TRPM3: variants seen among roughly 807,000 people sequenced by gnomAD.
TRPM3 encodes the protein transient receptor potential cation channel subfamily M member 3, also known as long transient receptor potential channel 3.
A neutral mutation model predicts 181.2 loss-of-function variants in TRPM3; 77 were observed. The observed-to-expected ratio is 0.42, with a 90% CI of 0.35 to 0.51. TRPM3 has a LOEUF of 0.51. Ranked by LOEUF, TRPM3 falls within the 20% of genes least tolerant of loss-of-function variation. TRPM3 has a pLI of 0.01. For missense variants in TRPM3, 1,759 were observed against 2,196.7 expected, an observed-to-expected ratio of 0.80 and a Z score of 3.98; for synonymous variants, 745 against 796.4, an observed-to-expected ratio of 0.94 and a Z score of 1.09.
At chr9:70,900,336 G>C (rs914868319) in intron 1 of TRPM3, among the ~76,000 whole-genome samples, 1 of 151,752 alleles carries the variant, frequency 6.6e-6, no homozygotes, top group African/African-American at 2.4e-5. Context: ...GTGAGACTCT[G>C]TCTCAAAAAC....
At chr9:71,409,064 A>AT (rs1341272134) in intron 1 of TRPM3, among the ~76,000 whole-genome samples, 1 of 152,178 alleles carries the variant, frequency 6.6e-6, no homozygotes. Flanking sequence ...ATGCTGAGCG[A>AT]TTTTGTCACC....
chr9:71,187,921 AG>A (rs1565318589), intron 1 of TRPM3, among the ~76,000 whole-genome samples: 1 of 133,314 alleles, frequency 7.5e-6, no homozygotes, highest in Non-Finnish European at 1.6e-5. Flanking sequence ...ATAGATAGAT[AG>A]ATAGATAGAT....
chr9:71,353,355 G>A (rs112635441), intron 1 of TRPM3, among the ~76,000 whole-genome samples: 27 of 152,182 alleles, frequency 1.8e-4, no homozygotes, highest in South Asian at 1.0e-3. Context: ...AGTGACTGGC[G>A]GTTAGTACAC....
chr9:70,674,993 A>G (rs1373504740), intron 9 of TRPM3, among the ~76,000 whole-genome samples: 1 of 152,092 alleles, frequency 6.6e-6, no homozygotes, highest in Non-Finnish European at 1.5e-5. Context: ...ATTTTGTGTT[A>G]TGTAATCTAA....
At chr9:71,431,949 G>T (rs1589003150) in intron 1 of TRPM3, among the ~76,000 whole-genome samples, 1 of 152,048 alleles carries the variant, frequency 6.6e-6, no homozygotes, top group Non-Finnish European at 1.5e-5. Context: ...TCTACAACAT[G>T]CCAGCCACTC....
intron 1 of TRPM3, among the ~76,000 whole-genome samples, chr9:71,291,813 T>A (rs2085840106): frequency 6.6e-6 from 1 of 152,056 alleles, no homozygotes. Context: ...AGTAACAGAA[T>A]CAGAAGCTTG....
chr9:70,789,458 GA>G (rs1021609014), intron 6 of TRPM3, among the ~76,000 whole-genome samples: 1 of 151,940 alleles, frequency 6.6e-6, no homozygotes, highest in Non-Finnish European at 1.5e-5. Flanking sequence ...CAGTCTGTAG[GA>G]AAAAAAATTA....
intron 1 of TRPM3, among the ~76,000 whole-genome samples, chr9:71,407,707 C>T (rs111422739): frequency 2.0e-5 from 3 of 152,318 alleles, no homozygotes; most frequent in African/African-American, 7.2e-5. Context: ...CCCTGTCTGA[C>T]ATGTTTAAGA....
chr9:70,813,225 T>C (rs2092318024), intron 6 of TRPM3, among the ~76,000 whole-genome samples: 1 of 152,198 alleles, frequency 6.6e-6, no homozygotes, highest in Non-Finnish European at 1.5e-5. Context: ...TACTGCTTTG[T>C]ACTATTCACA....
At chr9:71,340,949 C>T (rs1050614163) in intron 1 of TRPM3, among the ~76,000 whole-genome samples, 5 of 152,010 alleles carry the variant, frequency 3.3e-5, no homozygotes, top group Non-Finnish European at 1.5e-5. Context: ...CCATCACCAC[C>T]ACCAAAAATC....
intron 1 of TRPM3, among the ~76,000 whole-genome samples, chr9:71,281,822 G>A (rs188353621): frequency 4.6e-5 from 7 of 152,284 alleles, no homozygotes; most frequent in Admixed American, 2.0e-4. Flanking sequence ...AGCACTTTGG[G>A]AGGCCAAGGT....
intron 6 of TRPM3, among the ~76,000 whole-genome samples, chr9:70,818,028 CACA>C (rs1251041449): frequency 2.6e-5 from 4 of 152,108 alleles, no homozygotes; most frequent in Non-Finnish European, 4.4e-5. Flanking sequence ...ATTTGTTGTG[CACA>C]ACATTAACGT....
chr9:70,977,474 A>C (rs903306962), intron 1 of TRPM3, among the ~76,000 whole-genome samples: 1 of 152,152 alleles, frequency 6.6e-6, no homozygotes. Context: ...TCTGACACCA[A>C]ATAAGTGGTT....
At chr9:70,875,167 C>A (rs2095849808) in intron 1 of TRPM3, among the ~76,000 whole-genome samples, 1 of 151,862 alleles carries the variant, frequency 6.6e-6, no homozygotes, top group South Asian at 2.1e-4. Context: ...TCAAGATATG[C>A]ATCCTAGCCG....
At chr9:71,236,863 A>G (rs574575311) in intron 1 of TRPM3, among the ~76,000 whole-genome samples, 7 of 152,262 alleles carry the variant, frequency 4.6e-5, no homozygotes, top group African/African-American at 1.7e-4. Flanking sequence ...CCTGGCCAAC[A>G]TGGCGAAACA....
At chr9:70,632,232 TTGAAACCACCTGAAAGTCACC>T (rs975883820) in intron 12 of TRPM3, among the ~76,000 whole-genome samples, 2 of 152,176 alleles carry the variant, frequency 1.3e-5, no homozygotes, top group African/African-American at 4.8e-5. Flanking sequence ...TAGAAGTCAC[TTGAAACCACCTGAAAGTCACC>T]TGAAACCACC....
chr9:70,751,305 T>C (rs945828770), intron 8 of TRPM3, among the ~76,000 whole-genome samples: 3 of 152,006 alleles, frequency 2.0e-5, no homozygotes, highest in Non-Finnish European at 4.4e-5. Flanking sequence ...TGAAATGAAA[T>C]GCAAGACAAA....
chr9:71,145,377 G>A (rs1310564812), intron 1 of TRPM3, among the ~76,000 whole-genome samples: 1 of 152,056 alleles, frequency 6.6e-6, no homozygotes, highest in Non-Finnish European at 1.5e-5. Flanking sequence ...TTCCTTTTCC[G>A]GTACCAAATG....
intron 1 of TRPM3, among the ~76,000 whole-genome samples, chr9:71,280,582 T>A (rs1258937327): frequency 6.6e-6 from 1 of 152,034 alleles, no homozygotes; most frequent in Non-Finnish European, 1.5e-5. Context: ...GAGAAAAAAA[T>A]TAAATAATGG....
Sources: gnomAD v4.1 joint callset for allele counts (sites outside exome capture counted in the v4.1 genomes callset) on GRCh38, gnomAD v4.1.1 for gene constraint, MANE v1.5 for transcripts, NCBI Gene and HGNC (gene_info 2026-07-23, HGNC 2026-07-21) for gene names.